ITPK1: variants seen among roughly 807,000 people sequenced by gnomAD.
ITPK1 encodes the protein inositol 1,3,4-trisphosphate 5/6-kinase.
A neutral mutation model predicts 45.3 loss-of-function variants in ITPK1; 21 were observed. That is an observed-to-expected ratio of 0.46 (90% CI 0.33 to 0.67). ITPK1 has a LOEUF of 0.67. ITPK1 is among the 30% of genes least tolerant of loss of function. The pLI is 0.02. For missense variants in ITPK1, 474 were observed against 573.5 expected (o/e 0.83, Z 1.77); for synonymous variants, 258 against 253.6 (o/e 1.02, Z -0.16).
intron 3 of ITPK1, among the ~76,000 whole-genome samples, chr14:93,037,909 T>C (rs1232703245): frequency 2.0e-5 from 3 of 152,272 alleles, no homozygotes; most frequent in African/African-American, 4.8e-5. Flanking sequence ...ATCTCAGAGA[T>C]AGCCTGTAAC....
intron 2 of ITPK1, among the ~76,000 whole-genome samples, chr14:93,100,082 T>C (rs1166383471): frequency 6.6e-6 from 1 of 152,136 alleles, no homozygotes; most frequent in African/African-American, 2.4e-5. Flanking sequence ...CAGCATCCTT[T>C]TGGGGATCCA....
At chr14:93,051,095 C>T (rs1367754942) in intron 3 of ITPK1, among the ~76,000 whole-genome samples, 1 of 152,156 alleles carries the variant, frequency 6.6e-6, no homozygotes, top group Non-Finnish European at 1.5e-5. Context: ...AGGAACCAAT[C>T]AAACGGTGAT....
At chr14:93,028,054 G>A (rs772828821) in intron 3 of ITPK1, among the ~76,000 whole-genome samples, 3 of 152,212 alleles carry the variant, frequency 2.0e-5, no homozygotes, top group African/African-American at 7.2e-5. Context: ...CCAGAAACCC[G>A]GAGGCTGCTC....
At chr14:92,952,058 G>GTGTGGTCCCTGCATTGA in intron 8 of ITPK1, 45 bp from the exon 9 acceptor site, 2 of 1,474,162 alleles carry the variant, frequency 1.4e-6, no homozygotes, top group Non-Finnish European at 9.3e-7. Context: ...CCTCAATGCA[G>GTGTGGTCCCTGCATTGA]GGACCACACT....
At chr14:93,019,817 G>A (rs1888377829) in intron 3 of ITPK1, among the ~76,000 whole-genome samples, 2 of 152,200 alleles carry the variant, frequency 1.3e-5, no homozygotes, top group African/African-American at 4.8e-5. Context: ...GGATGCCCGG[G>A]GGGAAGGACA....
chr14:93,081,607 G>A (rs1243369144), intron 2 of ITPK1, among the ~76,000 whole-genome samples: 1 of 152,226 alleles, frequency 6.6e-6, no homozygotes, highest in Non-Finnish European at 1.5e-5. Flanking sequence ...TTTCAGAGGA[G>A]GAGGCTGGCA....
intron 7 of ITPK1, among the ~76,000 whole-genome samples, chr14:92,959,664 T>A (rs75187361): frequency 6.6e-6 from 1 of 151,566 alleles, no homozygotes; most frequent in African/African-American, 2.4e-5. Context: ...TGCAAAATCA[T>A]GGGTGGCTTC....
intron 5 of ITPK1, among the ~76,000 whole-genome samples, chr14:92,992,023 C>T (rs1028618039): frequency 7.9e-5 from 12 of 152,162 alleles, no homozygotes; most frequent in African/African-American, 2.2e-4. Flanking sequence ...CTGATTTGTC[C>T]GAGACCACGT....
intron 9 of ITPK1, among the ~76,000 whole-genome samples, chr14:92,949,084 C>T (rs1887832671): frequency 6.6e-6 from 1 of 151,620 alleles, no homozygotes; most frequent in African/African-American, 2.4e-5. Flanking sequence ...TCCCTTAGCA[C>T]TTTTCTTTCT....
intron 3 of ITPK1, among the ~76,000 whole-genome samples, chr14:93,051,665 G>A (rs535241506): frequency 6.6e-6 from 1 of 151,880 alleles, no homozygotes; most frequent in East Asian, 1.9e-4. Flanking sequence ...GGAGTGGTGA[G>A]CAACTCATCC....
rs35565615 is a variant in ITPK1, at chr14:93,030,431, T to A, written c.121-13630A>T. ...AACAGGACTTGTTTTCTTTTCTTTC[T>A]TTCATTCATTCATTCATTCATTCAT... On this transcript the variant is annotated intron_variant, in intron 3 of 10. Coordinates refer to ENST00000267615, the MANE Select transcript of ITPK1 (RefSeq NM_014216.6). Among the ~76,000 whole-genome samples the A allele has an allele frequency of 5.1e-3, 775 of 152,294 alleles. 3 individuals are homozygous for A. Among genetic ancestry groups the A allele is most frequent in the East Asian group, 8.7e-3 (45 of 5,184 alleles).
chr14:93,101,684 A>G (rs1255662670), intron 2 of ITPK1, among the ~76,000 whole-genome samples: 1 of 152,144 alleles, frequency 6.6e-6, no homozygotes, highest in Admixed American at 6.5e-5. Flanking sequence ...CCCCATCTCT[A>G]CTAAAAATAC....
chr14:93,022,394 G>C (rs1035248538), intron 3 of ITPK1, among the ~76,000 whole-genome samples: 1 of 152,214 alleles, frequency 6.6e-6, no homozygotes, highest in Non-Finnish European at 1.5e-5. Flanking sequence ...GAGCCACTGA[G>C]ATGGTGTGGC....
chr14:92,958,090 C>T lies in ITPK1; in HGVS notation c.670+111G>A, dbSNP rs371688094. ...CCACCTTTAGAGCACCTCTCCATCC[C>T]ACCAAGAACACAGGGTGGTTGGGGC... On this transcript the variant is annotated intron_variant, in intron 8 of 10. Transcript: ENST00000267615. This position sits in a 1 kb window ranked among gnomAD's most constrained non-coding sequence, Gnocchi z 4.4. The T allele has an allele frequency of 6.4e-5, 66 of 1,025,242 alleles. No homozygotes were observed. The highest frequency in any genetic ancestry group is 3.3e-4 in the East Asian group (14 of 41,902). 63.5% of individuals were successfully genotyped at this position (1,025,242 alleles called of 1,614,324 possible). A position where few individuals can be genotyped will look rare whatever the true frequency, so the allele number is the denominator to read the frequency against.
At chr14:92,988,046 G>A (rs4900166) in intron 5 of ITPK1, among the ~76,000 whole-genome samples, 10,828 of 152,306 alleles carry the variant, frequency 0.071, 502 homozygotes, top group Middle Eastern at 0.12. Flanking sequence ...CTGAAAGGGC[G>A]GGTCTCAGCC....
Position 92,940,758 on chromosome 14 carries a change from T to A in ITPK1, c.*803A>T. ...AAAGACCTGGAATGATTTGCCCAAA[T>A]CACAGCACAAATCCTCAGCACAGGC... On this transcript the variant is annotated 3_prime_UTR_variant, in exon 11 of 11. Coordinates refer to ENST00000267615, the MANE Select transcript of ITPK1 (RefSeq NM_014216.6). 7.8e-7 allele frequency: 1 copy of A among 1,289,142 alleles called. No individual in the cohort carries two copies. Among genetic ancestry groups the A allele is most frequent in the Non-Finnish European group, 1.0e-6 (1 of 988,762 alleles). The allele number at this position is 1,289,142 out of a possible 1,614,324, so 79.9% of individuals were successfully genotyped here.
Position 92,946,506 on chromosome 14 carries a change from A to G in ITPK1, c.739-13T>C. Reference sequence around the variant, plus strand: ...CGATCTTGTCCAGCTGCCAACATACACAAGGAAGTCAGGCCATGGGCCGAG... The same window carrying G: ...CGATCTTGTCCAGCTGCCAACATACGCAAGGAAGTCAGGCCATGGGCCGAG... On this transcript the variant is annotated splice_polypyrimidine_tract_variant and intron_variant, in intron 9 of 10. Coordinates refer to ENST00000267615, the MANE Select transcript of ITPK1 (RefSeq NM_014216.6). 1 of 1,611,454 alleles carries G rather than the reference A, an allele frequency of 6.2e-7. No homozygotes were observed. Among genetic ancestry groups the G allele is most frequent in the Non-Finnish European group, 8.5e-7 (1 of 1,179,554 alleles).
At chr14:92,987,882 C>T (rs1455968542) in intron 5 of ITPK1, among the ~76,000 whole-genome samples, 1 of 152,200 alleles carries the variant, frequency 6.6e-6, no homozygotes, top group Admixed American at 6.5e-5. Context: ...GCCAGGACGG[C>T]AGCTCACGCA....
chr14:92,941,994 C>G, intron 10 of ITPK1, 90 bp from the exon 11 acceptor site: 11 of 1,128,142 alleles, frequency 9.8e-6, no homozygotes, highest in Non-Finnish European at 1.4e-5. Context: ...CCGATGGGCT[C>G]CTGGGATGAG....
Sources: allele counts gnomAD v4.1 joint callset (sites outside exome capture counted in the v4.1 genomes callset), GRCh38; gene constraint gnomAD v4.1.1; non-coding constraint Gnocchi (gnomAD v3.1); transcripts MANE v1.5; gene names NCBI Gene and HGNC (gene_info 2026-07-23, HGNC 2026-07-21).